The following ALKBH7 variants were observed in gnomAD, a reference collection of about 807,000 sequenced individuals.
ALKBH7 encodes alkB homolog 7, RNA demethylase, also known as RNA demethylase ALKBH7, mitochondrial.
A neutral mutation model predicts 19.3 loss-of-function variants in ALKBH7; 21 were observed. The observed-to-expected ratio is 1.09, with a 90% CI of 0.77 to 1.56. The LOEUF is 1.56. ALKBH7 is among the 40% of genes most tolerant of loss of function. The pLI, the probability that ALKBH7 is intolerant of heterozygous loss-of-function variation, is 0.00. For missense variants in ALKBH7, 354 were observed against 311.4 expected (o/e 1.14, Z -1.03); for synonymous variants, 147 against 139.5 (o/e 1.05, Z -0.38).
At position 6,372,811 on chromosome 19, in the gene ALKBH7, C is replaced by T. The variant is rs573378402; in HGVS notation, c.-10C>T. ...AACCCTGCCCTCTCTCATGACCCCG[C>T]TCCGGGATTATGGCCGGGACTGGGC... is the stretch of plus-strand genomic sequence containing the variant. On this transcript the variant is annotated 5_prime_UTR_variant, in exon 1 of 4. Transcript: ENST00000245812. The T allele has an allele frequency of 1.0e-5, 16 of 1,540,614 alleles. No homozygotes were observed. In the South Asian group the frequency reaches 1.7e-4, roughly 16 times the overall value.
chr19:6,374,361 C>A lies in ALKBH7; in HGVS notation c.363C>A (p.His121Gln). ...AAGCCCGCGGCTACATCAAGCCCCA[C>A]GTGGACAGCATCAAGGTGGGCAGAG... is the stretch of plus-strand genomic sequence containing the variant. ...DLEARGYIKP[H>Q]VDSIKFCGAT... is the part of the protein sequence containing the mutation. Residue 121 changes from histidine to glutamine, a missense_variant, in exon 2 of 4, where the codon CAC (histidine) becomes CAA (glutamine). Transcript: ENST00000245812. 6.2e-7 allele frequency: 1 copy of A among 1,609,344 alleles called. No homozygotes were observed.
rs542430497 is a variant in ALKBH7, at chr19:6,372,825, C to T, written c.5C>T (p.Ala2Val). The T allele has an allele frequency of 6.5e-6, 10 of 1,543,762 alleles. 1 individual carries two copies. The South Asian group carries it at 7.1e-5, about 11-fold the overall frequency. ...TCATGACCCCGCTCCGGGATTATGG[C>T]CGGGACTGGGCTGCTGGCGCTGCGG... Reference protein sequence around the residue: MAGTGLLALRTL... With the variant: MVGTGLLALRTL... The change falls in exon 1 of 4, where the codon GCC (alanine) becomes GTC (valine). Residue 2 changes from alanine to valine, a missense_variant. Physicochemically the swap from Ala to Val is moderately conservative, Grantham distance 64. Transcript: ENST00000245812.
chr19:6,374,200 CAGGCCATCCACGGCTTCCGAG>C lies in ALKBH7; in HGVS notation c.205_225del (p.Ala69_Glu75del), dbSNP rs977229941. ...CCCAGGCTTAACCGAGCTCTCTGTGCAGGCCATCCACGGCTTCCGAGAGACAGAGAAGTCGCGCTGGTCAGA... is the reference window on the plus strand; with the variant it reads ...CCCAGGCTTAACCGAGCTCTCTGTGCAGACAGAGAAGTCGCGCTGGTCAGA... On this transcript the variant is annotated splice_acceptor_variant and coding_sequence_variant, in exon 2 of 4. Transcript: ENST00000245812. LOFTEE classifies it high-confidence loss of function. 1.2e-6 allele frequency: 2 copies of C among 1,612,430 alleles called. No individual in the cohort carries two copies. Among genetic ancestry groups the C allele is most frequent in the Non-Finnish European group, 1.7e-6 (2 of 1,179,586 alleles).
chr19:6,374,846 T>C lies in ALKBH7; in HGVS notation c.539T>C (p.Leu180Pro). 3 of 1,614,020 alleles carry C rather than the reference T, an allele frequency of 1.9e-6. No individual in the cohort carries two copies. The highest frequency in any genetic ancestry group is 2.5e-6 in the Non-Finnish European group (3 of 1,179,920). Residue 180 changes from leucine to proline, a missense_variant, in exon 4 of 4, where the codon CTT becomes CCT. Coordinates refer to ENST00000245812, the MANE Select transcript of ALKBH7 (RefSeq NM_032306.4). ...SARYDFSHEI[L>P]RDEESFFGER... is the part of the protein sequence containing the mutation. Reference sequence around the variant, plus strand: ...CGTTATGACTTCTCCCATGAGATCCTTCGGGATGAAGAGTCCTTCTTTGGG... The same window carrying C: ...CGTTATGACTTCTCCCATGAGATCCCTCGGGATGAAGAGTCCTTCTTTGGG...
Position 6,372,833 on chromosome 19 carries a change from G to A in ALKBH7, c.13G>A (p.Gly5Arg), listed in dbSNP as rs918769379. 9.1e-6 allele frequency: 14 copies of A among 1,545,338 alleles called. No individual in the cohort carries two copies. The highest frequency in any genetic ancestry group is 1.2e-5 in the Non-Finnish European group (14 of 1,149,484). Residue 5 changes from glycine to arginine, a missense_variant, in exon 1 of 4, where the codon GGG becomes AGG. Physicochemically the swap from Gly to Arg is moderately radical, Grantham distance 125 (BLOSUM62 -2). Transcript: ENST00000245812. MAGTGLLALRTLPGP... is the reference protein window; with the variant it reads MAGTRLLALRTLPGP... ...CCGCTCCGGGATTATGGCCGGGACT[G>A]GGCTGCTGGCGCTGCGGACGCTGCC...
intron 1 of ALKBH7, 196 bp from the exon 2 acceptor site, chr19:6,374,005 TTG>T: frequency 1.0e-6 from 1 of 984,986 alleles, no homozygotes; most frequent in Non-Finnish European, 1.2e-6. Context: ...GGACCTGGAA[TTG>T]TAGCCTCAGG....
chr19:6,374,269 C>T lies in ALKBH7; in HGVS notation c.271C>T (p.Arg91Cys), dbSNP rs199888358. Residue 91 changes from arginine to cysteine, a missense_variant, in exon 2 of 4, where the codon CGC (arginine) becomes TGC (cysteine). Coordinates refer to ENST00000245812, the MANE Select transcript of ALKBH7 (RefSeq NM_032306.4). ...WSEASRAILQ[R>C]VQAAAFGPGQ... ...AGAAGCCAGCCGGGCCATCCTGCAG[C>T]GCGTGCAGGCGGCCGCCTTTGGCCC... is the stretch of plus-strand genomic sequence containing the variant. 64 of 1,613,168 alleles carry T rather than the reference C, an allele frequency of 4.0e-5. 1 individual carries two copies. The highest frequency in any genetic ancestry group is 5.2e-5 in the Non-Finnish European group (61 of 1,179,784).
At chr19:6,374,649 C>CCTGGG in intron 3 of ALKBH7, 60 bp downstream of exon 3, 3 of 1,610,274 alleles carry the variant, frequency 1.9e-6, no homozygotes, top group Non-Finnish European at 2.5e-6. Flanking sequence ...CACCCTGTGC[C>CCTGGG]CTGGGTACTT....
At chr19:6,373,469 A>C in intron 1 of ALKBH7, 2 of 398,492 alleles carry the variant, frequency 5.0e-6, no homozygotes, top group Non-Finnish European at 8.2e-6. Flanking sequence ...GGGTGGGGCC[A>C]GGGAGTCGGG....
In ALKBH7 at chr19:6,374,481, T is replaced by C. The variant is rs757158754; in HGVS notation, c.395T>C (p.Ile132Thr). The C allele has an allele frequency of 6.2e-7, 1 of 1,613,914 alleles. No individual in the cohort carries two copies. The highest frequency in any genetic ancestry group is 1.7e-5 in the Admixed American group (1 of 59,970). The change falls in exon 3 of 4, where the codon ATC becomes ACC. Residue 132 changes from isoleucine (I) to threonine (T), a missense_variant. Transcript: ENST00000245812. ...CTTTTGCAGTTCTGCGGGGCCACCA[T>C]CGCCGGCCTGTCTCTCCTGTCTCCC... is the stretch of plus-strand genomic sequence containing the variant. The part of the protein sequence containing the change: ...VDSIKFCGAT[I>T]AGLSLLSPSV...
At chr19:6,373,718 G>C (rs2091905001) in intron 1 of ALKBH7, 9 of 1,259,532 alleles carry the variant, frequency 7.1e-6, no homozygotes, top group Non-Finnish European at 7.0e-6. Flanking sequence ...CACATGCTGG[G>C]ATGGGGCAGG....
chr19:6,374,811 G>T lies in ALKBH7; in HGVS notation c.504G>T (p.Arg168Ser). Reference sequence around the variant, plus strand: ...AGTCACAGCCTGTTTCTTCCTGCAGGGGCTCAGCCCGTTATGACTTCTCCC... The same window carrying T: ...AGTCACAGCCTGTTTCTTCCTGCAGTGGCTCAGCCCGTTATGACTTCTCCC... ...LLEPGSLYIL[R>S]GSARYDFSHE... Residue 168 changes from arginine to serine, a missense_variant and splice_region_variant, in exon 4 of 4, where the codon AGG becomes AGT. By Grantham distance (110) the Arg-to-Ser change is moderately radical. Coordinates refer to ENST00000245812, the MANE Select transcript of ALKBH7 (RefSeq NM_032306.4). 1.9e-6 allele frequency: 3 copies of T among 1,609,342 alleles called. No homozygotes were observed. The highest frequency in any genetic ancestry group is 2.6e-6 in the Non-Finnish European group (3 of 1,176,280).
chr19:6,374,516 C>T lies in ALKBH7; in HGVS notation c.430C>T (p.Arg144Trp). 8 of 1,614,014 alleles carry T rather than the reference C, an allele frequency of 5.0e-6. No homozygotes were observed. The highest frequency in any genetic ancestry group is 2.2e-5 in the East Asian group (1 of 44,890). ...GLSLLSPSVM[R>W]LVHTQEPGEW... ...GTCTCTCCTGTCTCCCAGCGTTATG[C>T]GGCTGGTGCACACCCAGGAGCCGGG... The change falls in exon 3 of 4, where the codon CGG (arginine) becomes TGG (tryptophan). Residue 144 changes from arginine to tryptophan, a missense_variant. By Grantham distance (101) the Arg-to-Trp change is moderately radical. Coordinates refer to ENST00000245812, the MANE Select transcript of ALKBH7 (RefSeq NM_032306.4).
rs751050447 is a variant in ALKBH7, at chr19:6,374,217, C to G, written c.219C>G (p.Phe73Leu). 6.2e-7 allele frequency: 1 copy of G among 1,613,106 alleles called. No homozygotes were observed. The highest frequency in any genetic ancestry group is 1.7e-5 in the Admixed American group (1 of 59,820). Residue 73 changes from phenylalanine (F) to leucine (L), a missense_variant, in exon 2 of 4, where the codon TTC becomes TTG. Physicochemically the swap from Phe to Leu is conservative, Grantham distance 22 (BLOSUM62 0). Transcript: ENST00000245812. Reference protein sequence around the residue: ...YDHWDAAIHGFRETEKSRWSE... With the variant: ...YDHWDAAIHGLRETEKSRWSE... Reference sequence around the variant, plus strand: ...TCTCTGTGCAGGCCATCCACGGCTTCCGAGAGACAGAGAAGTCGCGCTGGT... The same window carrying G: ...TCTCTGTGCAGGCCATCCACGGCTTGCGAGAGACAGAGAAGTCGCGCTGGT...
chr19:6,374,417 T>C (rs1231375734), intron 2 of ALKBH7, 41 bp downstream of exon 2: 1 of 1,604,252 alleles, frequency 6.2e-7, no homozygotes, highest in Non-Finnish European at 8.5e-7. Context: ...AGCCAGGGGG[T>C]AGGCAGGCCC....
In ALKBH7 at chr19:6,374,296, G is replaced by C. The variant is rs1208952125; in HGVS notation, c.298G>C (p.Gly100Arg). The C allele has an allele frequency of 1.2e-6, 2 of 1,613,034 alleles. No homozygotes were observed. Among genetic ancestry groups the C allele is most frequent in the African/African-American group, 1.3e-5 (1 of 74,906 alleles). Reference protein sequence around the residue: ...QRVQAAAFGPGQTLLSSVHVL... With the variant: ...QRVQAAAFGPRQTLLSSVHVL... Reference sequence around the variant, plus strand: ...CGTGCAGGCGGCCGCCTTTGGCCCCGGCCAGACCCTGCTCTCCTCCGTGCA... The same window carrying C: ...CGTGCAGGCGGCCGCCTTTGGCCCCCGCCAGACCCTGCTCTCCTCCGTGCA... Residue 100 changes from glycine (G) to arginine (R), a missense_variant, in exon 2 of 4, where the codon GGC becomes CGC. Gly to Arg is a moderately radical substitution (Grantham distance 125). Transcript: ENST00000245812.
chr19:6,374,142 C>G, intron 1 of ALKBH7, 61 bp from the exon 2 acceptor site: 1 of 1,587,860 alleles, frequency 6.3e-7, no homozygotes, highest in African/African-American at 1.4e-5. Context: ...TCTGCCCCTC[C>G]TTGCCTCAGT....
rs1225407991 is a variant in ALKBH7, at chr19:6,374,680, C to T, written c.503+91C>T. 10 of 1,604,882 alleles carry T rather than the reference C, an allele frequency of 6.2e-6. No individual in the cohort carries two copies. The East Asian group carries it at 8.9e-5, about 14-fold the overall frequency. ...TACTTTCCCTCAATCCAGCCCTCCC[C>T]GAAGACGCCTTTACCCCAGGGTCTG... On this transcript the variant is annotated intron_variant, in intron 3 of 3. Coordinates refer to ENST00000245812, the MANE Select transcript of ALKBH7 (RefSeq NM_032306.4).
At chr19:6,373,500 A>G (rs2091903031) in intron 1 of ALKBH7, 4 of 562,120 alleles carry the variant, frequency 7.1e-6, no homozygotes, top group Non-Finnish European at 1.1e-5. Flanking sequence ...GGGTGCGATT[A>G]CGCTGCTAGC....
Sources: gnomAD v4.1 joint callset for allele counts on GRCh38, gnomAD v4.1.1 for gene constraint, MANE v1.5 for transcripts, NCBI Gene and HGNC (gene_info 2026-07-23, HGNC 2026-07-21) for gene names.